RTN4RL1: variants seen among roughly 807,000 people sequenced by gnomAD.
The protein encoded by RTN4RL1 is reticulon 4 receptor like 1, also known as reticulon-4 receptor-like 1.
A neutral mutation model predicts 25.6 loss-of-function variants in RTN4RL1; 7 were observed. That is an observed-to-expected ratio of 0.27 (90% CI 0.16 to 0.51). The LOEUF is 0.51. Among genes scored for constraint, RTN4RL1 ranks in the 20% least tolerant of loss-of-function variants. RTN4RL1 has a pLI of 0.97. For missense variants in RTN4RL1, 500 were observed against 615.6 expected, an observed-to-expected ratio of 0.81 and a Z score of 1.99; for synonymous variants, 297 against 288.2, an observed-to-expected ratio of 1.03 and a Z score of -0.31.
intron 1 of RTN4RL1, among the ~76,000 whole-genome samples, chr17:1,948,881 C>A (rs545937481): frequency 6.6e-6 from 1 of 152,100 alleles, no homozygotes; most frequent in Non-Finnish European, 1.5e-5. Flanking sequence ...CAACCTCCGC[C>A]TCCTGGGCTC....
intron 1 of RTN4RL1, among the ~76,000 whole-genome samples, chr17:2,018,690 G>T (rs940889777): frequency 6.6e-5 from 10 of 152,150 alleles, no homozygotes; most frequent in African/African-American, 2.4e-4. Context: ...GCAGTGCGCC[G>T]GCTGGGTGGC....
At chr17:2,011,399 A>G (rs965413503) in intron 1 of RTN4RL1, among the ~76,000 whole-genome samples, 2 of 152,238 alleles carry the variant, frequency 1.3e-5, no homozygotes, top group East Asian at 1.9e-4. Context: ...ACGGTCCGAC[A>G]GGAGTCATGA....
intron 1 of RTN4RL1, among the ~76,000 whole-genome samples, chr17:1,944,809 C>G (rs545759236): frequency 1.3e-5 from 2 of 152,286 alleles, no homozygotes; most frequent in East Asian, 3.9e-4. Context: ...CCACCCTAGT[C>G]TGGGCAACCA....
intron 1 of RTN4RL1, among the ~76,000 whole-genome samples, chr17:1,951,819 G>A (rs1434668865): frequency 6.6e-6 from 1 of 152,236 alleles, no homozygotes; most frequent in East Asian, 1.9e-4. Flanking sequence ...AGACTAACGT[G>A]AGGACAGAGA....
chr17:1,936,840 C>G lies in RTN4RL1; in HGVS notation c.982G>C (p.Glu328Gln). ...LTTTDRAARK[E>Q]HHSPHGPTRS... ...GTGGGGCCGTGGGGTGAGTGGTGTT[C>G]CTTGCGGGCGGCCCTGTCGGTGGTG... The change falls in exon 2 of 2, where the codon GAA (glutamate) becomes CAA (glutamine). Residue 328 changes from glutamate (E) to glutamine (Q), a missense_variant. Physicochemically the swap from Glu to Gln is conservative, Grantham distance 29. This residue lies in a region of RTN4RL1 where 268 missense variants were observed against 274.5 expected (regional missense o/e 0.98). Transcript: ENST00000331238. 1 of 1,585,598 alleles carries G rather than the reference C, an allele frequency of 6.3e-7. No homozygotes were observed.
rs1332924271 is a variant in RTN4RL1 at position 2,025,113 on chromosome 17, G to A, written c.-248C>T. Reference sequence around the variant, plus strand: ...AGCCCCGCGCGCTTGCTCAGCCCCGGGGCGAGCGGCTTGCTCCGCGGAGCC... The same window carrying A: ...AGCCCCGCGCGCTTGCTCAGCCCCGAGGCGAGCGGCTTGCTCCGCGGAGCC... On this transcript the variant is annotated 5_prime_UTR_variant, in exon 1 of 2. Transcript: ENST00000331238. The surrounding 1 kb of genome is among the most constrained non-coding windows in gnomAD (Gnocchi z 4.8). 1 of 350,760 alleles carries A rather than the reference G, an allele frequency of 2.9e-6. No homozygotes were observed. The highest frequency in any genetic ancestry group is 5.1e-6 in the Non-Finnish European group (1 of 195,958). 21.7% of individuals were successfully genotyped at this position (350,760 alleles called of 1,614,324 possible). A position where few individuals can be genotyped will look rare whatever the true frequency, so the allele number is the denominator to read the frequency against.
intron 1 of RTN4RL1, among the ~76,000 whole-genome samples, chr17:2,018,413 G>C (rs1416466489): frequency 1.3e-5 from 2 of 152,196 alleles, no homozygotes; most frequent in Admixed American, 1.3e-4. Context: ...GAGGGAGTAG[G>C]AGAGGACATA....
At chr17:1,980,926 CA>C (rs71723916) in intron 1 of RTN4RL1, among the ~76,000 whole-genome samples, 10,349 of 86,866 alleles carry the variant, frequency 0.12, 511 homozygotes, top group Non-Finnish European at 0.16. Flanking sequence ...GATTCTATCT[CA>C]AAAAAAAAAA....
At chr17:2,005,559 T>C (rs892679106) in intron 1 of RTN4RL1, among the ~76,000 whole-genome samples, 4 of 152,116 alleles carry the variant, frequency 2.6e-5, no homozygotes, top group African/African-American at 9.7e-5. Flanking sequence ...CAGTCACTGG[T>C]ACATCCAGAG....
At chr17:2,024,248 C>T (rs1379490538) in intron 1 of RTN4RL1, among the ~76,000 whole-genome samples, 2 of 152,220 alleles carry the variant, frequency 1.3e-5, no homozygotes, top group African/African-American at 4.8e-5. Flanking sequence ...CGTCCCTCCG[C>T]TCCCAGCATA....
chr17:1,936,330 G>C lies in RTN4RL1; in HGVS notation c.*166C>G, dbSNP rs867355591. The C allele has an allele frequency of 1.6e-5, 23 of 1,425,538 alleles. No individual in the cohort carries two copies. In the Middle Eastern group the frequency reaches 7.8e-4, roughly 48 times the overall value. 88.3% of individuals were successfully genotyped at this position (1,425,538 alleles called of 1,614,324 possible). On this transcript the variant is annotated 3_prime_UTR_variant, in exon 2 of 2. Transcript: ENST00000331238. ...CCTCCCGCCTAGGGCTGTACACTTTGGGTTTATAATCCACATGGCAGGGTC... is the reference window on the plus strand; with the variant it reads ...CCTCCCGCCTAGGGCTGTACACTTTCGGTTTATAATCCACATGGCAGGGTC...
chr17:1,966,705 G>A lies in RTN4RL1; in HGVS notation c.14-28897C>T, dbSNP rs116222211. On this transcript the variant is annotated intron_variant, in intron 1 of 1. Transcript: ENST00000331238. ...GATGTTGGGTGTGGAGGCTCCTAGA[G>A]GACACAGAGATCCTCTGCCCTCTGC... Among the ~76,000 whole-genome samples the A allele has an allele frequency of 7.2e-3, 1,090 of 152,246 alleles. 15 individuals carry two copies. Among genetic ancestry groups the A allele is most frequent in the African/African-American group, 0.024 (995 of 41,514 alleles).
At chr17:1,993,331 T>A (rs1340352573) in intron 1 of RTN4RL1, among the ~76,000 whole-genome samples, 1 of 152,120 alleles carries the variant, frequency 6.6e-6, no homozygotes, top group Non-Finnish European at 1.5e-5. Flanking sequence ...AAAAAAGAAT[T>A]AGAAGAATTA....
intron 1 of RTN4RL1, among the ~76,000 whole-genome samples, chr17:1,951,777 G>A (rs1241067705): frequency 6.6e-6 from 1 of 152,178 alleles, no homozygotes; most frequent in African/African-American, 2.4e-5. Context: ...TTTTCAGGAA[G>A]AGGGATAATC....
At chr17:1,956,692 C>T (rs1488399477) in intron 1 of RTN4RL1, among the ~76,000 whole-genome samples, 1 of 150,820 alleles carries the variant, frequency 6.6e-6, no homozygotes, top group Non-Finnish European at 1.5e-5. Flanking sequence ...TGCAGGGGAG[C>T]TCAGGGTCTG....
At chr17:1,999,477 CAT>C (rs1213469384) in intron 1 of RTN4RL1, among the ~76,000 whole-genome samples, 138 of 144,920 alleles carry the variant, frequency 9.5e-4, no homozygotes, top group African/African-American at 3.1e-3. Context: ...CACACACACA[CAT>C]GAACTGCCCC....
At chr17:1,954,445 G>C (rs1330766450) in intron 1 of RTN4RL1, among the ~76,000 whole-genome samples, 1 of 142,962 alleles carries the variant, frequency 7.0e-6, no homozygotes. Flanking sequence ...CTGGAGTGCA[G>C]TGGCACGATC....
intron 1 of RTN4RL1, among the ~76,000 whole-genome samples, chr17:1,946,047 G>A (rs1057025094): frequency 6.6e-6 from 1 of 152,148 alleles, no homozygotes; most frequent in Non-Finnish European, 1.5e-5. Flanking sequence ...GGTCAATCAC[G>A]GGGTGACCAC....
chr17:1,971,732 GC>G (rs898264661), intron 1 of RTN4RL1, among the ~76,000 whole-genome samples: 7 of 152,036 alleles, frequency 4.6e-5, no homozygotes, highest in African/African-American at 1.2e-4. Context: ...GGGGGCAGAG[GC>G]GGGTGGATCA....
Sources: allele counts gnomAD v4.1 joint callset (sites outside exome capture counted in the v4.1 genomes callset), GRCh38; gene constraint gnomAD v4.1.1; regional missense constraint gnomAD v4.1.1; non-coding constraint Gnocchi (gnomAD v3.1); transcripts MANE v1.5; gene names NCBI Gene and HGNC (gene_info 2026-07-23, HGNC 2026-07-21).